The following SRRM3 variants were observed in gnomAD, a reference collection of about 807,000 sequenced individuals.
SRRM3 encodes the protein serine/arginine repetitive matrix 3.
SRRM3 carries 27 observed loss-of-function variants against 66.2 expected under a neutral mutation model. The ratio of observed to expected loss-of-function variants is 0.41; its 90% CI spans 0.30 to 0.56. The LOEUF (loss-of-function observed/expected upper bound fraction) is 0.56, where lower values mean the gene tolerates loss of function less well. Ranked by LOEUF, SRRM3 falls within the 20% of genes least tolerant of loss-of-function variation. SRRM3 has a pLI of 0.32. For synonymous variants in SRRM3, 391 were observed against 414.9 expected (o/e 0.94, Z 0.70); for missense variants, 918 against 991.9 (o/e 0.93, Z 1.00).
At chr7:76,266,262 ATT>A (rs1554609607) in intron 10 of SRRM3, among the ~76,000 whole-genome samples, 189 of 120,996 alleles carry the variant, frequency 1.6e-3, no homozygotes, top group African/African-American at 2.5e-3. Flanking sequence ...TATTTAATAT[ATT>A]TATATTTAAT....
At chr7:76,239,923 G>A (rs1439578800) in intron 2 of SRRM3, among the ~76,000 whole-genome samples, 1 of 152,028 alleles carries the variant, frequency 6.6e-6, no homozygotes, top group Non-Finnish European at 1.5e-5. Context: ...CAGCACTTTG[G>A]GAGGCCAAGG....
chr7:76,267,782 T>G, intron 11 of SRRM3: 1 of 237,408 alleles, frequency 4.2e-6, no homozygotes, highest in African/African-American at 2.3e-5. Flanking sequence ...CCAGGCATAT[T>G]AGGGTGGGAG....
At chr7:76,214,898 T>A (rs769466251) in intron 1 of SRRM3, among the ~76,000 whole-genome samples, 1 of 152,084 alleles carries the variant, frequency 6.6e-6, no homozygotes, top group African/African-American at 2.4e-5. Context: ...CATGAGCCAC[T>A]GTGCCCAGCT....
At position 76,281,373 on chromosome 7, in the gene SRRM3, CTCTCTG is replaced by C. The variant is rs1190347728; in HGVS notation, c.1009-56_1009-51del. 8.0e-6 allele frequency: 9 copies of C among 1,118,964 alleles called. No individual in the cohort carries two copies. In the South Asian group the frequency reaches 2.2e-4, roughly 27 times the overall value. The allele number at this position is 1,118,964 out of a possible 1,614,324, so 69.3% of individuals were successfully genotyped here. On this transcript the variant is annotated intron_variant, in intron 11 of 14. Transcript: ENST00000611745. ...CTCTCCCGTCTGTCTCCTCTCTTCT[CTCTCTG>C]TCTCTGTCTCTCTCGTCTCCCTCTC...
At chr7:76,263,905 A>AAAAAAG (rs1563633331) in intron 8 of SRRM3, among the ~76,000 whole-genome samples, 9 of 143,648 alleles carry the variant, frequency 6.3e-5, no homozygotes, top group African/African-American at 2.2e-4. Flanking sequence ...AAAAAAAAAA[A>AAAAAAG]GCAGGGACAT....
intron 1 of SRRM3, among the ~76,000 whole-genome samples, chr7:76,216,947 G>C (rs529574580): frequency 6.6e-6 from 1 of 152,328 alleles, no homozygotes; most frequent in Admixed American, 6.5e-5. Context: ...ATGCCCCCCA[G>C]GCAGCCAGCT....
chr7:76,252,507 A>T (rs1420340284), intron 3 of SRRM3, among the ~76,000 whole-genome samples: 1 of 152,088 alleles, frequency 6.6e-6, no homozygotes, highest in African/African-American at 2.4e-5. Context: ...TTTTTAGTAG[A>T]GATGGGGTTT....
At chr7:76,272,331 C>G (rs1802234116) in intron 11 of SRRM3, among the ~76,000 whole-genome samples, 1 of 152,080 alleles carries the variant, frequency 6.6e-6, no homozygotes, top group Non-Finnish European at 1.5e-5. Context: ...AAGGGCGAGG[C>G]ACGAAGATCG....
At chr7:76,226,424 G>A (rs1463353678) in intron 1 of SRRM3, among the ~76,000 whole-genome samples, 1 of 152,238 alleles carries the variant, frequency 6.6e-6, no homozygotes, top group African/African-American at 2.4e-5. Context: ...CTACACATGG[G>A]TTTGGCTGGC....
At chr7:76,211,423 G>A (rs1244819250) in intron 1 of SRRM3, among the ~76,000 whole-genome samples, 1 of 151,850 alleles carries the variant, frequency 6.6e-6, no homozygotes. Flanking sequence ...TGGGGGGCGG[G>A]GGGGGAATTA....
At chr7:76,203,014 G>A (rs2116915188) in intron 1 of SRRM3, among the ~76,000 whole-genome samples, 1 of 152,296 alleles carries the variant, frequency 6.6e-6, no homozygotes, top group East Asian at 1.9e-4. Context: ...GCTTGAGCTG[G>A]TCTTTTGTCC....
intron 1 of SRRM3, among the ~76,000 whole-genome samples, chr7:76,205,712 C>T (rs1554601071): frequency 6.6e-6 from 1 of 152,204 alleles, no homozygotes; most frequent in Non-Finnish European, 1.5e-5. Flanking sequence ...AATTCTGGGC[C>T]AGAAAGGACT....
At chr7:76,247,343 GA>G (rs1270061465) in intron 2 of SRRM3, among the ~76,000 whole-genome samples, 3 of 151,682 alleles carry the variant, frequency 2.0e-5, no homozygotes, top group African/African-American at 7.3e-5. Flanking sequence ...CTTGCCCCCC[GA>G]TAACCCCCCT....
chr7:76,249,202 A>G (rs575056667), intron 3 of SRRM3, among the ~76,000 whole-genome samples: 107 of 152,172 alleles, frequency 7.0e-4, no homozygotes, highest in Non-Finnish European at 1.2e-3. Context: ...CCTGAGCAAC[A>G]TGGTGAAACT....
intron 9 of SRRM3, 50 bp from the exon 10 acceptor site, chr7:76,265,314 T>TGTGATC: frequency 6.9e-7 from 1 of 1,441,026 alleles, no homozygotes; most frequent in Non-Finnish European, 9.5e-7. Flanking sequence ...GCTGGGGGGA[T>TGTGATC]CACGGGGGGC....
intron 1 of SRRM3, among the ~76,000 whole-genome samples, chr7:76,232,531 C>T (rs1478885629): frequency 6.6e-6 from 1 of 151,754 alleles, no homozygotes; most frequent in Non-Finnish European, 1.5e-5. Context: ...AAGATTGCAC[C>T]ACTGCACTCC....
intron 11 of SRRM3, chr7:76,269,701 G>C (rs1554610262): frequency 6.6e-6 from 1 of 151,236 alleles, no homozygotes; most frequent in Non-Finnish European, 1.5e-5. Context: ...AGGGAAGAGG[G>C]TGGGCAAGTT....
chr7:76,282,505 T>G, intron 12 of SRRM3, 143 bp from the exon 13 acceptor site: 12 of 405,536 alleles, frequency 3.0e-5, no homozygotes, highest in Admixed American at 5.0e-5. Context: ...AGGCTCCGCG[T>G]TCACTGCGCA....
chr7:76,209,571 C>T (rs895910728), intron 1 of SRRM3, among the ~76,000 whole-genome samples: 7 of 151,220 alleles, frequency 4.6e-5, no homozygotes, highest in African/African-American at 1.7e-4. Flanking sequence ...TAATAGGCAG[C>T]CCAGTGGGAG....
Sources: allele counts gnomAD v4.1 joint callset (sites outside exome capture counted in the v4.1 genomes callset), GRCh38; gene constraint gnomAD v4.1.1; transcripts MANE v1.5; gene names NCBI Gene and HGNC (gene_info 2026-07-23, HGNC 2026-07-21).